NUDT22: variants seen among roughly 807,000 people sequenced by gnomAD.
NUDT22 encodes nudix hydrolase 22.
Under a neutral mutation model 28.8 loss-of-function variants are expected in NUDT22, and 23 were observed. The ratio of observed to expected loss-of-function variants is 0.80; its 90% CI spans 0.58 to 1.13. NUDT22 has a LOEUF of 1.13. NUDT22 is among the 50% of genes most tolerant of loss of function. The pLI, the probability that NUDT22 is intolerant of heterozygous loss-of-function variation, is 0.00. For missense variants in NUDT22, 358 were observed against 387.3 expected (o/e 0.92, Z 0.64); for synonymous variants, 175 against 173.7 (o/e 1.01, Z -0.06).
Position 64,229,289 on chromosome 11 carries a change from G to T in NUDT22, c.622G>T (p.Gly208Cys). 1 of 1,599,804 alleles carries T rather than the reference G, an allele frequency of 6.3e-7. No homozygotes were observed. ...LLTLSQPLLL[G>C]IARNETSAGR... ...CACCCTGAGCCAGCCCCTGCTGTTG[G>T]GCATCGCCCGAAATGAGACCAGTGC... is the stretch of plus-strand genomic sequence containing the variant. Residue 208 changes from glycine (G) to cysteine (C), a missense_variant, in exon 4 of 6, where the codon GGC becomes TGC. Transcript: ENST00000279206.
In NUDT22 at chr11:64,229,993, A is replaced by ATAAT. The variant is rs775944140; in HGVS notation, c.*4_*7dup. 7 of 1,611,802 alleles carry ATAAT rather than the reference A, an allele frequency of 4.3e-6. No individual in the cohort carries two copies. The South Asian group carries it at 4.4e-5, about 10-fold the overall frequency. On this transcript the variant is annotated 3_prime_UTR_variant, in exon 6 of 6. Transcript: ENST00000279206. Reference sequence around the variant, plus strand: ...CAGCCCTACTCCCGCCGCTCTGAAAATAATAAACGACTTTATTCTTGGATT... The same window carrying ATAAT: ...CAGCCCTACTCCCGCCGCTCTGAAAATAATTAATAAACGACTTTATTCTTGGATT...
rs888610395 is a variant in NUDT22, at chr11:64,229,567, C to A, written c.767C>A (p.Thr256Lys). The change falls in exon 5 of 6, where the codon ACA becomes AAA. Residue 256 changes from threonine to lysine, a missense_variant. Thr to Lys is a moderately conservative substitution (Grantham distance 78). Coordinates refer to ENST00000279206, the MANE Select transcript of NUDT22 (RefSeq NM_032344.4). ...TCTACAGGAATCTTCTTTGTGGAGA[C>A]ACAGGTGCAGAGTGACAAACCATCT... is the stretch of plus-strand genomic sequence containing the variant. ...HESTGIFFVE[T>K]QNVQRLLETE... 6.2e-7 allele frequency: 1 copy of A among 1,613,676 alleles called. No individual in the cohort carries two copies. Among genetic ancestry groups the A allele is most frequent in the African/African-American group, 1.3e-5 (1 of 74,946 alleles).
Position 64,227,247 on chromosome 11 carries a change from G to C in NUDT22, c.480+115G>C, listed in dbSNP as rs1947058757. On this transcript the variant is annotated intron_variant, in intron 2 of 5. Coordinates refer to ENST00000279206, the MANE Select transcript of NUDT22 (RefSeq NM_032344.4). Reference sequence around the variant, plus strand: ...ATTCCTTAAAGGGAAAATTGGCCTGGTATTTCTCTGGAAGTTTGCTCAGGG... The same window carrying C: ...ATTCCTTAAAGGGAAAATTGGCCTGCTATTTCTCTGGAAGTTTGCTCAGGG... 3 of 1,326,810 alleles carry C rather than the reference G, an allele frequency of 2.3e-6. No individual in the cohort carries two copies. In the Middle Eastern group the frequency reaches 5.4e-4, roughly 238 times the overall value. 82.2% of individuals were successfully genotyped at this position (1,326,810 alleles called of 1,614,324 possible). A position where few individuals can be genotyped will look rare whatever the true frequency, so the allele number is the denominator to read the frequency against.
At chr11:64,227,360 T>C (rs1947062905) in intron 2 of NUDT22, 1 of 729,654 alleles carries the variant, frequency 1.4e-6, no homozygotes, top group South Asian at 1.5e-5. Flanking sequence ...AGGAAGAAGA[T>C]GCCCTACTCC....
At chr11:64,227,227 T>C in intron 2 of NUDT22, 95 bp downstream of exon 2, 1 of 1,439,694 alleles carries the variant, frequency 6.9e-7, no homozygotes, top group Non-Finnish European at 9.4e-7. Context: ...TCCTCATTCC[T>C]TAAAGGGAAA....
In NUDT22 at chr11:64,229,317, GC is replaced by G; in HGVS notation, c.652del (p.Arg218GlufsTer12). 1 of 1,607,458 alleles carries G rather than the reference GC, an allele frequency of 6.2e-7. No individual in the cohort carries two copies. Among genetic ancestry groups the G allele is most frequent in the Non-Finnish European group, 8.5e-7 (1 of 1,176,886 alleles). ...LGIARNETSA[G>X]RASAEFYVQC... ...ATCGCCCGAAATGAGACCAGTGCTG[GC>G]CGAGCCAGTGCCGAGTTCTATGTCC... On this transcript the variant is annotated frameshift_variant, in exon 4 of 6. Transcript: ENST00000279206. LOFTEE classifies it high-confidence loss of function.
downstream of NUDT22, chr11:64,230,159 C>T (rs960040767): frequency 1.2e-6 from 1 of 817,966 alleles, no homozygotes; most frequent in African/African-American, 1.7e-5. Flanking sequence ...AAGAACTGTG[C>T]CTCCCTTTCT....
rs1252116371 is a variant in NUDT22, at chr11:64,226,901, C to T, written c.249C>T (p.Gly83=). ...GGCCACAGCTGCTCCTGCGCCTGGG[C>T]CTTACTTCCTACCGAGACTTCCTGG... ...SRGPQLLLRL[G]LTSYRDFLGT... Residue 83 remains glycine (G), a synonymous_variant, in exon 2 of 6, where the codon GGC becomes GGT. Coordinates refer to ENST00000279206, the MANE Select transcript of NUDT22 (RefSeq NM_032344.4). The T allele has an allele frequency of 1.2e-6, 2 of 1,603,046 alleles. No individual in the cohort carries two copies. Among genetic ancestry groups the T allele is most frequent in the African/African-American group, 2.7e-5 (2 of 74,946 alleles).
chr11:64,230,011 C>A lies in NUDT22; in HGVS notation c.*21C>A. 4.4e-6 allele frequency: 7 copies of A among 1,596,358 alleles called. No individual in the cohort carries two copies. The highest frequency in any genetic ancestry group is 6.0e-6 in the Non-Finnish European group (7 of 1,170,590). On this transcript the variant is annotated 3_prime_UTR_variant, in exon 6 of 6. Transcript: ENST00000279206. ...TCTGAAAATAATAAACGACTTTATTCTTGGATTCCGTTGGCATCTGCTATT... is the reference window on the plus strand; with the variant it reads ...TCTGAAAATAATAAACGACTTTATTATTGGATTCCGTTGGCATCTGCTATT...
Position 64,229,994 on chromosome 11 carries a change from TAATA to T in NUDT22, c.*7_*10del. 6.3e-7 allele frequency: 1 copy of T among 1,593,880 alleles called. No individual in the cohort carries two copies. The highest frequency in any genetic ancestry group is 8.5e-7 in the Non-Finnish European group (1 of 1,169,634). ...AGCCCTACTCCCGCCGCTCTGAAAATAATAAACGACTTTATTCTTGGATTCCGTT... is the reference window on the plus strand; with the variant it reads ...AGCCCTACTCCCGCCGCTCTGAAAATAACGACTTTATTCTTGGATTCCGTT... On this transcript the variant is annotated 3_prime_UTR_variant, in exon 6 of 6. Coordinates refer to ENST00000279206, the MANE Select transcript of NUDT22 (RefSeq NM_032344.4).
rs546125172 is a variant in NUDT22 at position 64,228,620 on chromosome 11, C to T, written c.580-627C>T. ...CGGAGGTTGCAGTGAGCCGAAATCG[C>T]GCCACTGCACTTCAGCCTGGGCGAC... On this transcript the variant is annotated intron_variant, in intron 3 of 5. Transcript: ENST00000279206. 935 of 144,704 alleles carry T rather than the reference C, an allele frequency of 6.5e-3. 8 individuals are homozygous for T. The highest frequency in any genetic ancestry group is 0.022 in the African/African-American group (870 of 38,994). The allele number at this position is 144,704 out of a possible 1,614,324, so 9.0% of individuals were successfully genotyped here.
rs1031107165 is a variant in NUDT22 at position 64,226,750 on chromosome 11, C to A, written c.98C>A (p.Pro33Gln). The A allele has an allele frequency of 6.2e-7, 1 of 1,610,564 alleles. No homozygotes were observed. The highest frequency in any genetic ancestry group is 2.2e-5 in the East Asian group (1 of 44,884). Residue 33 changes from proline (P) to glutamine (Q), a missense_variant, in exon 2 of 6, where the codon CCA (proline) becomes CAA (glutamine). By Grantham distance (76) the Pro-to-Gln change is moderately conservative (BLOSUM62 -1). Coordinates refer to ENST00000279206, the MANE Select transcript of NUDT22 (RefSeq NM_032344.4). ...AELSPAHDRR[P>Q]LPGGDEAITA... Reference sequence around the variant, plus strand: ...CTGAGCCCCGCCCATGACCGTCGCCCACTGCCAGGTGGGGACGAGGCCATC... The same window carrying A: ...CTGAGCCCCGCCCATGACCGTCGCCAACTGCCAGGTGGGGACGAGGCCATC...
chr11:64,227,406 C>T, intron 2 of NUDT22, 162 bp from the exon 3 acceptor site: 2 of 733,196 alleles, frequency 2.7e-6, no homozygotes, highest in Non-Finnish European at 2.4e-6. Context: ...TGAAGCTGGA[C>T]CTCTGGTTGT....
intron 5 of NUDT22, 79 bp downstream of exon 5, chr11:64,229,650 AG>A: frequency 7.0e-7 from 1 of 1,421,808 alleles, no homozygotes; most frequent in Non-Finnish European, 9.9e-7. Context: ...CTTGTAGGGG[AG>A]GTGTTGGCTG....
rs1421280184 is a variant in NUDT22, at chr11:64,227,235, A to C, written c.480+103A>C. ...TTTGGTTTCCTCATTCCTTAAAGGG[A>C]AAATTGGCCTGGTATTTCTCTGGAA... is the stretch of plus-strand genomic sequence containing the variant. On this transcript the variant is annotated intron_variant, in intron 2 of 5. Coordinates refer to ENST00000279206, the MANE Select transcript of NUDT22 (RefSeq NM_032344.4). 6 of 1,393,424 alleles carry C rather than the reference A, an allele frequency of 4.3e-6. No individual in the cohort carries two copies. The South Asian group carries it at 6.2e-5, about 14-fold the overall frequency. 86.3% of individuals were successfully genotyped at this position (1,393,424 alleles called of 1,614,324 possible).
intron 3 of NUDT22, chr11:64,228,731 G>A (rs931593664): frequency 6.6e-6 from 1 of 152,122 alleles, no homozygotes; most frequent in Admixed American, 6.6e-5. Context: ...AGCACTTTGG[G>A]AGGCCAAGGC....
downstream of NUDT22, chr11:64,230,020 C>A (rs1185632825): frequency 5.6e-6 from 9 of 1,605,284 alleles, no homozygotes; most frequent in Non-Finnish European, 7.7e-6. Flanking sequence ...TCTTGGATTC[C>A]GTTGGCATCT....
intron 4 of NUDT22, 54 bp downstream of exon 4, chr11:64,229,398 G>A: frequency 1.2e-6 from 2 of 1,606,972 alleles, no homozygotes; most frequent in Non-Finnish European, 1.7e-6. Flanking sequence ...GTGGTGAGGA[G>A]TGGGCTGAGG....
In NUDT22 at chr11:64,230,000, A is replaced by G. The variant is rs1947146698; in HGVS notation, c.*10A>G. ...ACTCCCGCCGCTCTGAAAATAATAAACGACTTTATTCTTGGATTCCGTTGG... is the reference window on the plus strand; with the variant it reads ...ACTCCCGCCGCTCTGAAAATAATAAGCGACTTTATTCTTGGATTCCGTTGG... On this transcript the variant is annotated 3_prime_UTR_variant, in exon 6 of 6. Coordinates refer to ENST00000279206, the MANE Select transcript of NUDT22 (RefSeq NM_032344.4). 7 of 1,610,706 alleles carry G rather than the reference A, an allele frequency of 4.3e-6. No homozygotes were observed. The highest frequency in any genetic ancestry group is 5.9e-6 in the Non-Finnish European group (7 of 1,179,048).
Sources: gnomAD v4.1 joint callset for allele counts on GRCh38, gnomAD v4.1.1 for gene constraint, MANE v1.5 for transcripts, NCBI Gene and HGNC (gene_info 2026-07-23, HGNC 2026-07-21) for gene names.